Variants in PPP2R5E observed in about 807,000 individuals in gnomAD.
PPP2R5E encodes serine/threonine-protein phosphatase 2A 56 kDa regulatory subunit epsilon isoform.
In PPP2R5E, 4 loss-of-function variants were observed where a neutral mutation model predicts 65.3. The observed-to-expected ratio is 0.06, with a 90% CI of 0.03 to 0.14. PPP2R5E has a LOEUF of 0.14. Among genes scored for constraint, PPP2R5E ranks in the 10% least tolerant of loss-of-function variants. PPP2R5E has a pLI of 1.00. For missense variants in PPP2R5E, 274 were observed against 556.1 expected, an observed-to-expected ratio of 0.49 and a Z score of 5.10; for synonymous variants, 183 against 187.4, an observed-to-expected ratio of 0.98 and a Z score of 0.19.
intron 3 of PPP2R5E, among the ~76,000 whole-genome samples, chr14:63,444,809 G>A (rs1315512861): frequency 6.6e-6 from 1 of 152,184 alleles, no homozygotes; most frequent in Non-Finnish European, 1.5e-5. Context: ...TGACACTTGA[G>A]ATGATGTGAA....
At chr14:63,418,841 C>CTTTTTTTTTTT (rs772740856) in intron 4 of PPP2R5E, among the ~76,000 whole-genome samples, 1 of 105,088 alleles carries the variant, frequency 9.5e-6, no homozygotes, top group African/African-American at 3.9e-5. Flanking sequence ...AATTTTTTTA[C>CTTTTTTTTTTT]TTTTTTTTTT....
intron 2 of PPP2R5E, among the ~76,000 whole-genome samples, chr14:63,473,474 C>G (rs181822125): frequency 3.9e-5 from 6 of 152,222 alleles, no homozygotes; most frequent in Admixed American, 2.0e-4. Flanking sequence ...GACAGAGAAC[C>G]AAGATGATGA....
In PPP2R5E at chr14:63,530,096, C is replaced by T. The variant is rs547739034; in HGVS notation, c.157+9433G>A. ...TCTGATGAAAGCAATCAATTCTCTC[C>T]TCCAAAAAAGAATGCACATACACAG... On this transcript the variant is annotated intron_variant, in intron 2 of 13. Coordinates refer to ENST00000337537, the MANE Select transcript of PPP2R5E (RefSeq NM_006246.5). Among the ~76,000 whole-genome samples, 12 of 152,190 alleles carry T rather than the reference C, an allele frequency of 7.9e-5. No individual in the cohort carries two copies. In the East Asian group the frequency reaches 1.4e-3, roughly 17 times the overall value.
chr14:63,477,024 C>T (rs1431068015), intron 2 of PPP2R5E, among the ~76,000 whole-genome samples: 1 of 151,972 alleles, frequency 6.6e-6, no homozygotes, highest in East Asian at 1.9e-4. Context: ...TTACAAGGAC[C>T]AAATCTCCAC....
At chr14:63,409,418 A>G (rs1024394390) in intron 5 of PPP2R5E, among the ~76,000 whole-genome samples, 1 of 152,216 alleles carries the variant, frequency 6.6e-6, no homozygotes, top group Non-Finnish European at 1.5e-5. Context: ...AAATAAATAA[A>G]TAAAACTAAA....
chr14:63,492,749 G>C (rs559458944), intron 2 of PPP2R5E, among the ~76,000 whole-genome samples: 2 of 152,066 alleles, frequency 1.3e-5, no homozygotes, highest in African/African-American at 2.4e-5. Flanking sequence ...TTTTTGTTTT[G>C]GTTTGGTTGG....
chr14:63,531,291 C>T lies in PPP2R5E; in HGVS notation c.157+8238G>A, dbSNP rs142872188. 5.6e-3 allele frequency among the ~76,000 whole-genome samples: 853 copies of T among 152,038 alleles called. 11 individuals carry two copies. Among genetic ancestry groups the T allele is most frequent in the African/African-American group, 0.02 (820 of 41,466 alleles). On this transcript the variant is annotated intron_variant, in intron 2 of 13. Coordinates refer to ENST00000337537, the MANE Select transcript of PPP2R5E (RefSeq NM_006246.5). ...TAATGCTATCCGTCCCCCATCCCCCCGACCCCACAACAGTCCCTGGTATAT... is the reference window on the plus strand; with the variant it reads ...TAATGCTATCCGTCCCCCATCCCCCTGACCCCACAACAGTCCCTGGTATAT...
rs1883831100 is a variant in PPP2R5E at position 63,373,911 on chromosome 14, T to C, written c.*2098A>G. On this transcript the variant is annotated 3_prime_UTR_variant, in exon 14 of 14. Coordinates refer to ENST00000337537, the MANE Select transcript of PPP2R5E (RefSeq NM_006246.5). ...AAGGAGAAGATTTGTTACAAATTTA[T>C]TTTTTATCACATTGTTCCAGCATTT... The C allele has an allele frequency of 6.6e-6, 1 of 152,096 alleles. No homozygotes were observed. Among genetic ancestry groups the C allele is most frequent in the African/African-American group, 2.4e-5 (1 of 41,420 alleles). The allele number at this position is 152,096 out of a possible 1,614,324, so 9.4% of individuals were successfully genotyped here.
intron 5 of PPP2R5E, among the ~76,000 whole-genome samples, chr14:63,400,896 A>G (rs900670096): frequency 9.2e-5 from 14 of 152,144 alleles, no homozygotes; most frequent in African/African-American, 3.4e-4. Flanking sequence ...GCTTTAATGA[A>G]TAACTTGTAA....
intron 2 of PPP2R5E, among the ~76,000 whole-genome samples, chr14:63,500,774 G>A (rs1891837218): frequency 6.6e-6 from 1 of 152,056 alleles, no homozygotes. Flanking sequence ...GCTGAGGCAG[G>A]AGGATCTCTC....
At chr14:63,475,319 G>A (rs550754509) in intron 2 of PPP2R5E, among the ~76,000 whole-genome samples, 111 of 152,312 alleles carry the variant, frequency 7.3e-4, no homozygotes, top group Admixed American at 1.2e-3. Context: ...CTTGGGTCAC[G>A]GAGTCACCCA....
intron 2 of PPP2R5E, among the ~76,000 whole-genome samples, chr14:63,484,734 T>A (rs1317757428): frequency 6.6e-6 from 1 of 152,190 alleles, no homozygotes; most frequent in Non-Finnish European, 1.5e-5. Context: ...ACACTTTCCT[T>A]AAGCTAGCAA....
chr14:63,472,157 G>A (rs1482442282), intron 2 of PPP2R5E, among the ~76,000 whole-genome samples: 1 of 152,070 alleles, frequency 6.6e-6, no homozygotes, highest in Non-Finnish European at 1.5e-5. Context: ...AAAATTAATC[G>A]GGCATGGTGA....
At chr14:63,541,694 C>T (rs943877543) in intron 1 of PPP2R5E, among the ~76,000 whole-genome samples, 4 of 151,980 alleles carry the variant, frequency 2.6e-5, no homozygotes, top group African/African-American at 9.7e-5. Flanking sequence ...TCTTCCTGAA[C>T]ACGTGAGAAT....
At chr14:63,535,725 A>G (rs1035391650) in intron 2 of PPP2R5E, among the ~76,000 whole-genome samples, 7 of 152,194 alleles carry the variant, frequency 4.6e-5, no homozygotes, top group African/African-American at 1.7e-4. Flanking sequence ...CATTATTTAA[A>G]ACAACTCACA....
chr14:63,467,110 C>G (rs978163565), intron 2 of PPP2R5E, among the ~76,000 whole-genome samples: 1 of 151,680 alleles, frequency 6.6e-6, no homozygotes, highest in African/African-American at 2.4e-5. Flanking sequence ...CCTGTAGTCC[C>G]AGCTACTCGG....
intron 2 of PPP2R5E, among the ~76,000 whole-genome samples, chr14:63,522,377 A>G: frequency 1.4e-5 from 2 of 146,410 alleles, no homozygotes; most frequent in African/African-American, 2.5e-5. Context: ...CCGTCTGGGA[A>G]GTGAGGAGCG....
intron 2 of PPP2R5E, among the ~76,000 whole-genome samples, chr14:63,459,118 GA>G (rs1241468653): frequency 2.6e-5 from 4 of 152,140 alleles, no homozygotes; most frequent in African/African-American, 9.7e-5. Context: ...TATATTTACA[GA>G]AAACTAAGTG....
intron 2 of PPP2R5E, among the ~76,000 whole-genome samples, chr14:63,521,131 G>A (rs1415437499): frequency 6.6e-6 from 1 of 152,068 alleles, no homozygotes; most frequent in African/African-American, 2.4e-5. Flanking sequence ...CCACTCCTAA[G>A]CCCAAGAGTA....
Sources: gnomAD v4.1 joint callset for allele counts (sites outside exome capture counted in the v4.1 genomes callset) on GRCh38, gnomAD v4.1.1 for gene constraint, MANE v1.5 for transcripts, NCBI Gene and HGNC (gene_info 2026-07-23, HGNC 2026-07-21) for gene names.